KHDRBS3: variants seen among roughly 807,000 people sequenced by gnomAD.
KHDRBS3 encodes the protein KH domain-containing, RNA-binding, signal transduction-associated protein 3.
In KHDRBS3, 23 loss-of-function variants were observed where a neutral mutation model predicts 45.6. The observed-to-expected ratio is 0.50, with a 90% CI of 0.36 to 0.72. The LOEUF is 0.72. Ranked by LOEUF, KHDRBS3 falls within the 30% of genes least tolerant of loss-of-function variation. The pLI, the probability that KHDRBS3 is intolerant of heterozygous loss-of-function variation, is 0.00. For synonymous variants in KHDRBS3, 162 were observed against 156.5 expected, an observed-to-expected ratio of 1.04 and a Z score of -0.26; for missense variants, 352 against 424.8, an observed-to-expected ratio of 0.83 and a Z score of 1.51.
intron 2 of KHDRBS3, among the ~76,000 whole-genome samples, chr8:135,535,274 T>C (rs1201024158): frequency 2.2e-5 from 3 of 136,392 alleles, no homozygotes; most frequent in Non-Finnish European, 3.1e-5. Context: ...TATATATAGT[T>C]AAACTATATA....
At chr8:135,474,391 G>A (rs1002599430) in intron 1 of KHDRBS3, among the ~76,000 whole-genome samples, 5 of 152,216 alleles carry the variant, frequency 3.3e-5, no homozygotes, top group Non-Finnish European at 7.3e-5. Flanking sequence ...CAGATGCCCA[G>A]TGGAAGTATG....
chr8:135,577,132 A>G (rs2130907798), intron 5 of KHDRBS3, among the ~76,000 whole-genome samples: 1 of 152,076 alleles, frequency 6.6e-6, no homozygotes, highest in South Asian at 2.1e-4. Context: ...TTAGTCTAAC[A>G]GACTTCTCTC....
intron 7 of KHDRBS3, among the ~76,000 whole-genome samples, chr8:135,615,493 CATT>C (rs1212358233): frequency 6.6e-6 from 1 of 152,014 alleles, no homozygotes; most frequent in East Asian, 1.9e-4. Context: ...CTCTTAATGA[CATT>C]ATTGATTTCA....
chr8:135,621,443 C>A (rs1830135052), intron 7 of KHDRBS3, among the ~76,000 whole-genome samples: 1 of 152,112 alleles, frequency 6.6e-6, no homozygotes, highest in Admixed American at 6.5e-5. Context: ...CTTCAGTGAG[C>A]CAAATTGTTC....
intron 7 of KHDRBS3, chr8:135,625,879 T>A (rs908296949): frequency 3.9e-6 from 3 of 772,764 alleles, no homozygotes; most frequent in African/African-American, 3.4e-5. Context: ...AGCTGTTCGA[T>A]CTTTGTCACG....
chr8:135,550,272 T>C (rs1826522560), intron 4 of KHDRBS3, among the ~76,000 whole-genome samples: 1 of 152,184 alleles, frequency 6.6e-6, no homozygotes, highest in South Asian at 2.1e-4. Flanking sequence ...AGGTAGACTC[T>C]AATTTACCTC....
At chr8:135,552,826 A>T (rs1826676662) in intron 4 of KHDRBS3, among the ~76,000 whole-genome samples, 1 of 152,090 alleles carries the variant, frequency 6.6e-6, no homozygotes, top group East Asian at 1.9e-4. Flanking sequence ...CTTAGTGGAC[A>T]GCCAAGGGGA....
rs776511706 is a variant in KHDRBS3, at chr8:135,582,013, C to A, written c.747C>A (p.Val249=). ...RGLLTPRARG[V]PPTGYRPPPP... is the part of the protein sequence containing the mutation. ...TTCTCACTCCCAGAGCAAGAGGAGT[C>A]CCCCCAACTGGGTACAGACCTCCAC... is the stretch of plus-strand genomic sequence containing the variant. Residue 249 remains valine (V), a synonymous_variant, in exon 6 of 9, where the codon GTC becomes GTA. Transcript: ENST00000355849. 1.2e-6 allele frequency: 2 copies of A among 1,612,278 alleles called. No individual in the cohort carries two copies. The highest frequency in any genetic ancestry group is 1.7e-6 in the Non-Finnish European group (2 of 1,179,100).
chr8:135,532,466 G>T (rs1825526776), intron 2 of KHDRBS3, among the ~76,000 whole-genome samples: 1 of 152,170 alleles, frequency 6.6e-6, no homozygotes, highest in South Asian at 2.1e-4. Flanking sequence ...TGCTTGAGTG[G>T]TGTTCTCCAA....
chr8:135,550,887 A>G (rs1421677694), intron 4 of KHDRBS3, among the ~76,000 whole-genome samples: 1 of 152,164 alleles, frequency 6.6e-6, no homozygotes. Context: ...TAAAAAAGAT[A>G]TTTTAAAATT....
At chr8:135,495,053 G>A (rs1243836368) in intron 1 of KHDRBS3, among the ~76,000 whole-genome samples, 2 of 152,222 alleles carry the variant, frequency 1.3e-5, no homozygotes, top group African/African-American at 2.4e-5. Context: ...GTGCTTGTGA[G>A]CATCTAAGTG....
intron 2 of KHDRBS3, among the ~76,000 whole-genome samples, chr8:135,527,694 T>C (rs1252343561): frequency 2.0e-5 from 3 of 152,246 alleles, no homozygotes; most frequent in African/African-American, 7.2e-5. Context: ...AGTTGTAATA[T>C]GACATTAAAT....
intron 1 of KHDRBS3, among the ~76,000 whole-genome samples, chr8:135,508,172 A>T (rs1824102426): frequency 6.6e-6 from 1 of 152,210 alleles, no homozygotes; most frequent in Non-Finnish European, 1.5e-5. Flanking sequence ...TCCTATTTTG[A>T]ATTTATTTTA....
At chr8:135,460,206 C>G (rs1246815818) in intron 1 of KHDRBS3, among the ~76,000 whole-genome samples, 1 of 152,204 alleles carries the variant, frequency 6.6e-6, no homozygotes, top group East Asian at 1.9e-4. Context: ...GCCTCTAATG[C>G]AACTGTGTTT....
At chr8:135,643,690 G>A (rs780113696) in intron 7 of KHDRBS3, among the ~76,000 whole-genome samples, 25 of 152,354 alleles carry the variant, frequency 1.6e-4, no homozygotes, top group East Asian at 1.2e-3. Flanking sequence ...GAAAGAAAAC[G>A]TGGGGGAAAA....
intron 1 of KHDRBS3, among the ~76,000 whole-genome samples, chr8:135,487,761 A>T (rs1438741095): frequency 6.6e-6 from 1 of 152,206 alleles, no homozygotes; most frequent in Non-Finnish European, 1.5e-5. Flanking sequence ...TTATGGGTGG[A>T]TGGCTGCTGT....
intron 5 of KHDRBS3, among the ~76,000 whole-genome samples, chr8:135,576,377 C>G (rs1827947114): frequency 6.6e-6 from 1 of 152,168 alleles, no homozygotes; most frequent in Non-Finnish European, 1.5e-5. Flanking sequence ...AGATTTGTGC[C>G]TTCTCCCCTA....
rs557500088 is a variant in KHDRBS3 at position 135,607,050 on chromosome 8, C to A, written c.890+13C>A. The A allele has an allele frequency of 6.3e-7, 1 of 1,593,362 alleles. No homozygotes were observed. Among genetic ancestry groups the A allele is most frequent in the African/African-American group, 1.3e-5 (1 of 74,594 alleles). The stretch of plus-strand genomic sequence containing the variant: ...CCCCAGCCCAAAGGTAAGAGTCAGT[C>A]TTTATTACCAGACCCCACAACAGAA... On this transcript the variant is annotated intron_variant, in intron 7 of 8. Coordinates refer to ENST00000355849, the MANE Select transcript of KHDRBS3 (RefSeq NM_006558.3).
At chr8:135,532,647 CATT>C (rs1163866421) in intron 2 of KHDRBS3, among the ~76,000 whole-genome samples, 1 of 152,004 alleles carries the variant, frequency 6.6e-6, no homozygotes, top group Non-Finnish European at 1.5e-5. Context: ...ATAAGATAGA[CATT>C]ATTATTTCCT....
Sources: allele counts gnomAD v4.1 joint callset (sites outside exome capture counted in the v4.1 genomes callset), GRCh38; gene constraint gnomAD v4.1.1; transcripts MANE v1.5; gene names NCBI Gene and HGNC (gene_info 2026-07-23, HGNC 2026-07-21).